Variants in VWC2L observed in about 807,000 individuals in gnomAD.
VWC2L encodes the protein von Willebrand factor C domain containing 2 like, also known as von Willebrand factor C domain-containing protein 2-like.
In VWC2L, 10 loss-of-function variants were observed where a neutral mutation model predicts 21.6. The ratio of observed to expected loss-of-function variants is 0.46; its 90% CI spans 0.29 to 0.78. VWC2L has a LOEUF of 0.78. VWC2L is among the 30% of genes least tolerant of loss of function. The probability of loss-of-function intolerance (pLI) is 0.10; values close to 1 mark genes in which losing one functional copy is unlikely to be tolerated. For synonymous variants in VWC2L, 96 were observed against 94.3 expected (o/e 1.02, Z -0.10); for missense variants, 209 against 277.1 (o/e 0.75, Z 1.74).
intron 3 of VWC2L, among the ~76,000 whole-genome samples, chr2:214,439,807 T>C (rs532453499): frequency 1.3e-5 from 2 of 152,006 alleles, no homozygotes; most frequent in East Asian, 1.9e-4. Flanking sequence ...TGTTTTGATA[T>C]TATTTAAGAG....
chr2:214,526,238 A>G (rs1574617358), intron 3 of VWC2L, among the ~76,000 whole-genome samples: 1 of 151,996 alleles, frequency 6.6e-6, no homozygotes, highest in African/African-American at 2.4e-5. Flanking sequence ...ATTTAGGGGG[A>G]AAAGTTACAT....
At chr2:214,487,393 G>A (rs1207088274) in intron 3 of VWC2L, among the ~76,000 whole-genome samples, 1 of 152,120 alleles carries the variant, frequency 6.6e-6, no homozygotes, top group African/African-American at 2.4e-5. Context: ...GGCTACAGTG[G>A]TGAGCAAGAC....
chr2:214,500,285 C>T (rs1185910517), intron 3 of VWC2L, among the ~76,000 whole-genome samples: 1 of 152,160 alleles, frequency 6.6e-6, no homozygotes, highest in Non-Finnish European at 1.5e-5. Context: ...GTAATGGAAA[C>T]ATTTTAAAAA....
intron 3 of VWC2L, among the ~76,000 whole-genome samples, chr2:214,528,690 A>G (rs750639983): frequency 2.0e-5 from 3 of 152,096 alleles, no homozygotes; most frequent in East Asian, 1.9e-4. Flanking sequence ...GTCAAAACCC[A>G]TGTTCGTGAT....
At chr2:214,489,035 G>T (rs1688711764) in intron 3 of VWC2L, among the ~76,000 whole-genome samples, 1 of 152,154 alleles carries the variant, frequency 6.6e-6, no homozygotes, top group Admixed American at 6.6e-5. Flanking sequence ...TGATACATTT[G>T]AATATATTGT....
chr2:214,528,027 A>G (rs1248277989), intron 3 of VWC2L, among the ~76,000 whole-genome samples: 2 of 152,232 alleles, frequency 1.3e-5, no homozygotes, highest in Non-Finnish European at 2.9e-5. Flanking sequence ...GGGTATGTGA[A>G]TAGTAACAGA....
intron 3 of VWC2L, among the ~76,000 whole-genome samples, chr2:214,544,779 T>C (rs1371565325): frequency 1.3e-5 from 2 of 152,206 alleles, no homozygotes; most frequent in African/African-American, 2.4e-5. Flanking sequence ...TCTTCTATTA[T>C]GCTATAGGGT....
At chr2:214,459,376 T>C (rs1703104340) in intron 3 of VWC2L, among the ~76,000 whole-genome samples, 1 of 152,242 alleles carries the variant, frequency 6.6e-6, no homozygotes, top group Non-Finnish European at 1.5e-5. Flanking sequence ...AACTTTTAAA[T>C]GGAAAATTTA....
At chr2:214,557,733 TTCAGC>T (rs548387665) in intron 3 of VWC2L, among the ~76,000 whole-genome samples, 2 of 152,132 alleles carry the variant, frequency 1.3e-5, no homozygotes, top group South Asian at 2.1e-4. Context: ...CAGAAATTAT[TTCAGC>T]TCCTAGTGCC....
At chr2:214,526,256 G>GA (rs1428769410) in intron 3 of VWC2L, among the ~76,000 whole-genome samples, 11 of 151,620 alleles carry the variant, frequency 7.3e-5, no homozygotes, top group African/African-American at 2.4e-4. Context: ...CATATTTAGA[G>GA]GAAAAAAAGC....
chr2:214,508,337 C>T (rs937849515), intron 3 of VWC2L, among the ~76,000 whole-genome samples: 5 of 152,116 alleles, frequency 3.3e-5, no homozygotes, highest in Non-Finnish European at 7.4e-5. Context: ...CAGAAATTTT[C>T]TCTGGATTCG....
At chr2:214,549,245 A>G (rs921282540) in intron 3 of VWC2L, among the ~76,000 whole-genome samples, 1 of 152,168 alleles carries the variant, frequency 6.6e-6, no homozygotes, top group Non-Finnish European at 1.5e-5. Context: ...TTGTGTCAGC[A>G]CACTCGCTTT....
intron 2 of VWC2L, among the ~76,000 whole-genome samples, chr2:214,426,171 C>CAAA (rs34411661): frequency 1.5e-3 from 106 of 69,846 alleles, no homozygotes; most frequent in Middle Eastern, 9.3e-3. Context: ...GGCTTCGTCT[C>CAAA]AAAAAAAAAA....
chr2:214,504,622 A>G (rs949855716), intron 3 of VWC2L, among the ~76,000 whole-genome samples: 1 of 152,214 alleles, frequency 6.6e-6, no homozygotes, highest in African/African-American at 2.4e-5. Flanking sequence ...GTACCCCAGT[A>G]TAAATAGGAA....
chr2:214,426,547 G>A (rs948474724), intron 2 of VWC2L, among the ~76,000 whole-genome samples: 2 of 152,164 alleles, frequency 1.3e-5, no homozygotes, highest in African/African-American at 4.8e-5. Context: ...TCTTGCACAT[G>A]CATTTCCTTA....
intron 3 of VWC2L, among the ~76,000 whole-genome samples, chr2:214,452,645 G>A (rs969745730): frequency 2.6e-5 from 4 of 151,964 alleles, no homozygotes; most frequent in African/African-American, 4.8e-5. Context: ...AGATGTATAC[G>A]TAACTTTTTT....
At chr2:214,542,956 C>T (rs1202016527) in intron 3 of VWC2L, among the ~76,000 whole-genome samples, 1 of 152,158 alleles carries the variant, frequency 6.6e-6, no homozygotes, top group Non-Finnish European at 1.5e-5. Context: ...ATACTAATGC[C>T]TTTTCCTTGC....
chr2:214,466,013 G>A (rs745957774), intron 3 of VWC2L, among the ~76,000 whole-genome samples: 1 of 152,118 alleles, frequency 6.6e-6, no homozygotes. Flanking sequence ...GATGTGGGAG[G>A]GGTGGCATCA....
chr2:214,419,903 A>G (rs781048414), intron 2 of VWC2L, among the ~76,000 whole-genome samples: 2 of 152,176 alleles, frequency 1.3e-5, no homozygotes, highest in Non-Finnish European at 2.9e-5. Flanking sequence ...TACTAAAAAT[A>G]CAAAAATTAG....
Sources: allele counts gnomAD v4.1 joint callset (sites outside exome capture counted in the v4.1 genomes callset), GRCh38; gene constraint gnomAD v4.1.1; transcripts MANE v1.5; gene names NCBI Gene and HGNC (gene_info 2026-07-23, HGNC 2026-07-21).